Variants in CDH1 observed in about 807,000 individuals in gnomAD.
CDH1 encodes cadherin-1.
Under a neutral mutation model 84.5 loss-of-function variants are expected in CDH1, and 35 were observed. The ratio of observed to expected loss-of-function variants is 0.41; its 90% CI spans 0.32 to 0.55. The LOEUF is 0.55. CDH1 is among the 20% of genes least tolerant of loss of function. The pLI is 0.19. For synonymous variants in CDH1, 417 were observed against 439.0 expected (o/e 0.95, Z 0.63); for missense variants, 994 against 1,126.6 (o/e 0.88, Z 1.68).
intron 2 of CDH1, among the ~76,000 whole-genome samples, chr16:68,778,833 C>T (rs1357194735): frequency 6.6e-6 from 1 of 152,172 alleles, no homozygotes; most frequent in Non-Finnish European, 1.5e-5. Context: ...CCTCTGCCTC[C>T]TGATTTAGTT....
chr16:68,786,381 A>T (rs1251125398), intron 2 of CDH1, among the ~76,000 whole-genome samples: 1 of 151,944 alleles, frequency 6.6e-6, no homozygotes, highest in Non-Finnish European at 1.5e-5. Flanking sequence ...CATGATGGTC[A>T]GGCTGGTCTC....
At chr16:68,761,293 T>G (rs1055878355) in intron 2 of CDH1, among the ~76,000 whole-genome samples, 1 of 152,020 alleles carries the variant, frequency 6.6e-6, no homozygotes, top group Non-Finnish European at 1.5e-5. Flanking sequence ...TCTAGGCTGA[T>G]ACATCAGGCT....
chr16:68,786,194 CAG>C (rs553456645), intron 2 of CDH1, among the ~76,000 whole-genome samples: 313 of 152,016 alleles, frequency 2.1e-3, no homozygotes, highest in Middle Eastern at 6.8e-3. Context: ...AAATTTGAGA[CAG>C]AGTCTTGCTC....
intron 2 of CDH1, chr16:68,771,214 C>G (rs182320060): frequency 6.6e-6 from 1 of 152,208 alleles, no homozygotes; most frequent in Non-Finnish European, 1.5e-5. Flanking sequence ...CTCACACCTA[C>G]GCTTTCCTAC....
At chr16:68,819,810 T>C (rs982803194) in intron 11 of CDH1, among the ~76,000 whole-genome samples, 1 of 152,218 alleles carries the variant, frequency 6.6e-6, no homozygotes, top group African/African-American at 2.4e-5. Flanking sequence ...CTTATATGTC[T>C]GATTCGTTTC....
intron 2 of CDH1, among the ~76,000 whole-genome samples, chr16:68,785,065 T>G (rs531360425): frequency 6.6e-6 from 1 of 152,154 alleles, no homozygotes; most frequent in African/African-American, 2.4e-5. Flanking sequence ...AAAGTTCTAC[T>G]CCCACCCTGT....
rs371601956 is a variant in CDH1 at position 68,808,788 on chromosome 16, A to G, written c.627A>G (p.Arg209=). ...CTGTTGGTGTCTTTATTATTGAAAG[A>G]GAAACAGGATGGCTGAAGGTGACAG... ...TPPVGVFIIE[R]ETGWLKVTEP... Residue 209 remains arginine (R), a synonymous_variant, in exon 5 of 16, where the codon AGA becomes AGG. Coordinates refer to ENST00000261769, the MANE Select transcript of CDH1 (RefSeq NM_004360.5). 43 of 1,614,076 alleles carry G rather than the reference A, an allele frequency of 2.7e-5. No individual in the cohort carries two copies. Among genetic ancestry groups the G allele is most frequent in the Non-Finnish European group, 3.6e-5 (42 of 1,180,042 alleles).
intron 2 of CDH1, among the ~76,000 whole-genome samples, chr16:68,755,697 A>G (rs1457178122): frequency 6.6e-6 from 1 of 151,836 alleles, no homozygotes; most frequent in African/African-American, 2.4e-5. Context: ...TGCTCATTCC[A>G]AGCCACTCCC....
chr16:68,813,528 G>A (rs1960902901), intron 9 of CDH1, 33 bp downstream of exon 9: 1 of 1,603,190 alleles, frequency 6.2e-7, no homozygotes, highest in African/African-American at 1.3e-5. Flanking sequence ...TGCAGAAACT[G>A]GCATCCTCAC....
intron 10 of CDH1, 146 bp downstream of exon 10, chr16:68,815,905 T>A: frequency 9.9e-7 from 1 of 1,014,378 alleles, no homozygotes; most frequent in South Asian, 1.6e-5. Flanking sequence ...TCCCTTTATC[T>A]GTGCTCCTTT....
chr16:68,787,844 T>TTTTTTTTTTTTA (rs1960101759), intron 2 of CDH1, among the ~76,000 whole-genome samples: 1 of 145,612 alleles, frequency 6.9e-6, no homozygotes, highest in Non-Finnish European at 1.5e-5. Flanking sequence ...TTTTTTTTTT[T>TTTTTTTTTTTTA]GAGACAGTTT....
intron 2 of CDH1, among the ~76,000 whole-genome samples, chr16:68,760,190 C>T (rs1033078107): frequency 1.6e-4 from 24 of 149,540 alleles, no homozygotes; most frequent in African/African-American, 5.9e-4. Context: ...AGCTCTGCCT[C>T]CCGGGTTCAT....
intron 2 of CDH1, among the ~76,000 whole-genome samples, chr16:68,787,869 A>G (rs1307142211): frequency 2.2e-5 from 3 of 134,114 alleles, no homozygotes; most frequent in African/African-American, 8.5e-5. Flanking sequence ...CTTGTTGCCC[A>G]GGCTGGAGTA....
intron 2 of CDH1, among the ~76,000 whole-genome samples, chr16:68,747,850 G>A (rs978821508): frequency 3.3e-5 from 5 of 151,920 alleles, no homozygotes; most frequent in African/African-American, 9.7e-5. Context: ...TGCAGTCTCC[G>A]CCTCCCTGGT....
intron 2 of CDH1, among the ~76,000 whole-genome samples, chr16:68,759,487 C>CTTTTTTTTTT (rs141278700): frequency 7.3e-6 from 1 of 136,124 alleles, no homozygotes; most frequent in Non-Finnish European, 1.6e-5. Context: ...TCTTTTCTTT[C>CTTTTTTTTTT]TTTTTTTTTT....
intron 12 of CDH1, 143 bp from the exon 13 acceptor site, chr16:68,823,253 AAAG>A: frequency 1.6e-6 from 1 of 641,864 alleles, no homozygotes; most frequent in Admixed American, 2.8e-5. Flanking sequence ...AAAAAAAAAA[AAAG>A]TACATACCTA....
intron 2 of CDH1, among the ~76,000 whole-genome samples, chr16:68,773,433 A>G (rs1038093415): frequency 2.0e-5 from 3 of 151,564 alleles, no homozygotes; most frequent in African/African-American, 7.3e-5. Flanking sequence ...AGTAGCTGGG[A>G]TTACAGGTGT....
At chr16:68,822,510 T>C in intron 12 of CDH1, 1 of 548,064 alleles carries the variant, frequency 1.8e-6, no homozygotes, top group South Asian at 1.9e-5. Flanking sequence ...ACCAGGACCA[T>C]CTTCTCTGCT....
chr16:68,822,660 G>T, intron 12 of CDH1: 1 of 374,624 alleles, frequency 2.7e-6, no homozygotes, highest in Non-Finnish European at 5.2e-6. Context: ...TTGCATATAT[G>T]GGCTTCCTAC....
Sources: allele counts gnomAD v4.1 joint callset (sites outside exome capture counted in the v4.1 genomes callset), GRCh38; gene constraint gnomAD v4.1.1; transcripts MANE v1.5; gene names NCBI Gene and HGNC (gene_info 2026-07-23, HGNC 2026-07-21).